The following CLCN3 variants were observed in gnomAD, a reference collection of about 807,000 sequenced individuals.
CLCN3 encodes the protein H(+)/Cl(-) exchange transporter 3.
Under a neutral mutation model 83.4 loss-of-function variants are expected in CLCN3, and 16 were observed. That is an observed-to-expected ratio of 0.19 (90% confidence interval 0.13 to 0.29). The LOEUF is 0.29. Ranked by LOEUF, CLCN3 falls within the 10% of genes least tolerant of loss-of-function variation. The pLI, the probability that CLCN3 is intolerant of heterozygous loss-of-function variation, is 1.00. For missense variants in CLCN3, 544 were observed against 1,006.0 expected (o/e 0.54, Z 6.21); for synonymous variants, 322 against 346.2 (o/e 0.93, Z 0.78).
At chr4:169,658,259 A>C (rs983174088) in intron 2 of CLCN3, among the ~76,000 whole-genome samples, 1 of 151,632 alleles carries the variant, frequency 6.6e-6, no homozygotes, top group Non-Finnish European at 1.5e-5. Context: ...ATATACACAC[A>C]ATTGTTTATC....
At chr4:169,666,180 A>C (rs985234415) in intron 2 of CLCN3, among the ~76,000 whole-genome samples, 8 of 152,230 alleles carry the variant, frequency 5.3e-5, no homozygotes, top group Admixed American at 3.3e-4. Context: ...AAGATTAAAA[A>C]AACAAAATAA....
intron 2 of CLCN3, among the ~76,000 whole-genome samples, chr4:169,668,530 C>T (rs766687408): frequency 6.6e-6 from 1 of 152,104 alleles, no homozygotes; most frequent in Non-Finnish European, 1.5e-5. Context: ...TAACGGGAGG[C>T]AGGGCTGGAA....
intron 4 of CLCN3, 148 bp downstream of exon 4, chr4:169,687,905 A>G: frequency 1.9e-6 from 1 of 520,886 alleles, no homozygotes. Context: ...ATATAAGACT[A>G]GGAGGCAGAG....
chr4:169,711,545 T>C (rs1181051648), intron 11 of CLCN3, among the ~76,000 whole-genome samples: 1 of 152,152 alleles, frequency 6.6e-6, no homozygotes, highest in Non-Finnish European at 1.5e-5. Context: ...AGACAGGGTT[T>C]CACCATGTTG....
intron 2 of CLCN3, among the ~76,000 whole-genome samples, chr4:169,655,123 T>C (rs1296609179): frequency 6.6e-6 from 1 of 152,206 alleles, no homozygotes; most frequent in Non-Finnish European, 1.5e-5. Flanking sequence ...GATATTAATA[T>C]AACTCCCAAT....
chr4:169,646,592 A>C (rs1243779390), intron 2 of CLCN3, among the ~76,000 whole-genome samples: 1 of 152,196 alleles, frequency 6.6e-6, no homozygotes, highest in African/African-American at 2.4e-5. Context: ...CACAGCACTC[A>C]GACCTTTTAA....
At position 169,635,960 on chromosome 4, in the gene CLCN3, A is replaced by C; in HGVS notation, c.32A>C (p.Tyr11Ser). 2 of 1,611,504 alleles carry C rather than the reference A, an allele frequency of 1.2e-6. No homozygotes were observed. The highest frequency in any genetic ancestry group is 1.7e-6 in the Non-Finnish European group (2 of 1,178,640). Residue 11 changes from tyrosine (Y) to serine (S), a missense_variant, in exon 2 of 13, where the codon TAC becomes TCC. Around this residue, in one of 6 missense-constraint regions of CLCN3, gnomAD observed 77 missense variants for 92.8 expected, o/e 0.83. Transcript: ENST00000513761. ...TCTGAGCAGCTGTTCCATAGAGGCT[A>C]CTATAGAAACAGCTACAACAGTATA... The part of the protein sequence containing the change: MESEQLFHRG[Y>S]YRNSYNSITS...
intron 2 of CLCN3, among the ~76,000 whole-genome samples, chr4:169,650,003 G>A (rs1262008791): frequency 6.6e-6 from 1 of 151,914 alleles, no homozygotes; most frequent in Non-Finnish European, 1.5e-5. Flanking sequence ...GACCATTACT[G>A]GAGCCTGGGA....
chr4:169,641,899 T>C (rs1335633372), intron 2 of CLCN3, among the ~76,000 whole-genome samples: 1 of 152,184 alleles, frequency 6.6e-6, no homozygotes, highest in Non-Finnish European at 1.5e-5. Flanking sequence ...AATGTATTTA[T>C]AGTGAGAAAT....
intron 12 of CLCN3, among the ~76,000 whole-genome samples, chr4:169,718,558 T>C (rs956133077): frequency 6.6e-6 from 1 of 152,238 alleles, no homozygotes; most frequent in African/African-American, 2.4e-5. Context: ...AAGCAGCTTT[T>C]AGAGTCAAAT....
chr4:169,641,605 A>G (rs950405954), intron 2 of CLCN3, among the ~76,000 whole-genome samples: 2 of 152,186 alleles, frequency 1.3e-5, no homozygotes, highest in African/African-American at 4.8e-5. Context: ...AAGTTTATTC[A>G]TCTGGTATTC....
At chr4:169,690,199 G>A (rs906532650) in intron 5 of CLCN3, among the ~76,000 whole-genome samples, 7 of 140,510 alleles carry the variant, frequency 5.0e-5, no homozygotes, top group African/African-American at 1.3e-4. Flanking sequence ...AGGCTGGAGC[G>A]CAGTGGCACG....
In CLCN3 at chr4:169,620,954, T is replaced by C; in HGVS notation, c.-126T>C. 2.5e-6 allele frequency: 1 copy of C among 398,544 alleles called. No individual in the cohort carries two copies. The highest frequency in any genetic ancestry group is 4.4e-6 in the Non-Finnish European group (1 of 226,054). 24.7% of individuals were successfully genotyped at this position (398,544 alleles called of 1,614,324 possible). A position where few individuals can be genotyped will look rare whatever the true frequency, so the allele number is the denominator to read the frequency against. On this transcript the variant is annotated 5_prime_UTR_variant, in exon 1 of 13. Transcript: ENST00000513761. ...GCGATAGTTTTCGCTGTGTCAGGCTTTCTTCGGTGGAGCTCCGAGGGTAGC... is the reference window on the plus strand; with the variant it reads ...GCGATAGTTTTCGCTGTGTCAGGCTCTCTTCGGTGGAGCTCCGAGGGTAGC...
At chr4:169,648,195 C>T (rs1730629308) in intron 2 of CLCN3, among the ~76,000 whole-genome samples, 1 of 152,144 alleles carries the variant, frequency 6.6e-6, no homozygotes, top group African/African-American at 2.4e-5. Flanking sequence ...GTGCTGAAAT[C>T]TATGTAAAGT....
chr4:169,627,989 G>A (rs1773276621), intron 1 of CLCN3, among the ~76,000 whole-genome samples: 1 of 152,164 alleles, frequency 6.6e-6, no homozygotes, highest in Admixed American at 6.5e-5. Context: ...CTCTGAAATA[G>A]ATCCACATAA....
At chr4:169,659,243 A>G (rs1347633182) in intron 2 of CLCN3, among the ~76,000 whole-genome samples, 1 of 152,188 alleles carries the variant, frequency 6.6e-6, no homozygotes, top group Non-Finnish European at 1.5e-5. Flanking sequence ...TAGCTATAAA[A>G]TATTGAACTC....
intron 1 of CLCN3, among the ~76,000 whole-genome samples, chr4:169,622,073 T>G (rs1773124825): frequency 6.6e-6 from 1 of 152,226 alleles, no homozygotes; most frequent in Non-Finnish European, 1.5e-5. Context: ...GCAGAATTCA[T>G]CACAGATTGC....
chr4:169,681,030 A>G (rs1581243423), intron 3 of CLCN3, among the ~76,000 whole-genome samples: 1 of 152,048 alleles, frequency 6.6e-6, no homozygotes, highest in Admixed American at 6.6e-5. Flanking sequence ...TATACAAAAT[A>G]CGTTTTTTAA....
At chr4:169,690,941 G>T (rs1732345863) in intron 6 of CLCN3, among the ~76,000 whole-genome samples, 1 of 151,986 alleles carries the variant, frequency 6.6e-6, no homozygotes, top group African/African-American at 2.4e-5. Context: ...GAGCCTGGAA[G>T]AAGTATCTTG....
Sources: allele counts gnomAD v4.1 joint callset (sites outside exome capture counted in the v4.1 genomes callset), GRCh38; gene constraint gnomAD v4.1.1; regional missense constraint gnomAD v4.1.1; transcripts MANE v1.5; gene names NCBI Gene and HGNC (gene_info 2026-07-23, HGNC 2026-07-21).